The following PUF60 variants were observed in gnomAD, a reference collection of about 807,000 sequenced individuals.
The protein encoded by PUF60 is poly(U) binding splicing factor 60.
PUF60 carries 10 observed loss-of-function variants against 61.8 expected under a neutral mutation model. That is an observed-to-expected ratio of 0.16 (90% CI 0.10 to 0.27). The LOEUF is 0.27. Among genes scored for constraint, PUF60 ranks in the 10% least tolerant of loss-of-function variants. The pLI is 1.00. For missense variants in PUF60, 371 were observed against 754.0 expected, an observed-to-expected ratio of 0.49 and a Z score of 5.95; for synonymous variants, 353 against 300.9, an observed-to-expected ratio of 1.17 and a Z score of -1.79.
At position 143,817,151 on chromosome 8, in the gene PUF60, G is replaced by A. The variant is rs765059667; in HGVS notation, c.1145-6C>T. On this transcript the variant is annotated splice_region_variant and splice_polypyrimidine_tract_variant and intron_variant, in intron 10 of 11. Transcript: ENST00000526683. This position sits in a 1 kb window ranked among gnomAD's most constrained non-coding sequence, Gnocchi z 7.4. ...AGGACGGGCTGGGGTCACACCTGCA[G>A]GAAAACCAACCAGGTCCATCAGTCA... 6 of 1,588,870 alleles carry A rather than the reference G, an allele frequency of 3.8e-6. No homozygotes were observed. In the East Asian group the frequency reaches 9.0e-5, roughly 24 times the overall value.
chr8:143,817,842 C>T lies in PUF60; in HGVS notation c.817+20G>A, dbSNP rs374595843. The T allele has an allele frequency of 7.3e-5, 118 of 1,609,672 alleles. No homozygotes were observed. Among genetic ancestry groups the T allele is most frequent in the Middle Eastern group, 4.9e-4 (3 of 6,076 alleles). On this transcript the variant is annotated intron_variant, in intron 8 of 11. Transcript: ENST00000526683. This position sits in a 1 kb window ranked among gnomAD's most constrained non-coding sequence, Gnocchi z 7.4. ...CCAGCCTCAGGTGGCCCCCATCCCGCCTCAGCCACCCCAGCTCACCAATGA... is the reference window on the plus strand; with the variant it reads ...CCAGCCTCAGGTGGCCCCCATCCCGTCTCAGCCACCCCAGCTCACCAATGA...
chr8:143,820,340 G>A (rs918341066), intron 5 of PUF60: 3 of 395,358 alleles, frequency 7.6e-6, no homozygotes, highest in Non-Finnish European at 1.4e-5. Flanking sequence ...GCTGGAGGCC[G>A]TGGGCACACC....
intron 1 of PUF60, among the ~76,000 whole-genome samples, chr8:143,827,719 T>C (rs1334487742): frequency 1.3e-5 from 2 of 152,110 alleles, no homozygotes; most frequent in African/African-American, 4.8e-5. Flanking sequence ...AAAAAACACG[T>C]ATTAAACCCA....
chr8:143,821,628 G>A lies in PUF60; in HGVS notation c.266C>T (p.Ala89Val), dbSNP rs1239200237. 3 of 1,545,620 alleles carry A rather than the reference G, an allele frequency of 1.9e-6. No individual in the cohort carries two copies. Among genetic ancestry groups the A allele is most frequent in the South Asian group, 1.2e-5 (1 of 83,996 alleles). Residue 89 changes from alanine (A) to valine (V), a missense_variant, in exon 4 of 12, where the codon GCG (alanine) becomes GTG (valine). This residue lies in a region of PUF60 where 35 missense variants were observed against 173.1 expected (regional missense o/e 0.20). Coordinates refer to ENST00000526683, the MANE Select transcript of PUF60 (RefSeq NM_078480.3). The stretch of plus-strand genomic sequence containing the variant: ...GTTGGTGAGCTGCTGCTGCTGGTGC[G>A]CGATGGTCTGCTTCACCAGCACACT... ...IKSVLVKQTI[A>V]HQQQQLTNLQ...
intron 1 of PUF60, among the ~76,000 whole-genome samples, chr8:143,828,727 T>G (rs948602208): frequency 1.3e-5 from 2 of 152,196 alleles, no homozygotes; most frequent in African/African-American, 4.8e-5. Flanking sequence ...GCGCACGTCC[T>G]TCCTTTCCAC....
rs754680277 is a variant in PUF60 at position 143,818,164 on chromosome 8, G to A, written c.603+29C>T. 19 of 1,603,342 alleles carry A rather than the reference G, an allele frequency of 1.2e-5. No homozygotes were observed. The highest frequency in any genetic ancestry group is 1.6e-4 in the Middle Eastern group (1 of 6,074). On this transcript the variant is annotated intron_variant, in intron 7 of 11. Coordinates refer to ENST00000526683, the MANE Select transcript of PUF60 (RefSeq NM_078480.3). This position sits in a 1 kb window ranked among gnomAD's most constrained non-coding sequence, Gnocchi z 7.9. ...TGGAGGGGCAGCCCTGCACGCCTGC[G>A]GGATCGAGGCCTTGGCTCCCTGCCT...
intron 2 of PUF60, chr8:143,823,112 A>C (rs1817211841): frequency 6.1e-6 from 1 of 163,848 alleles, no homozygotes; most frequent in African/African-American, 2.4e-5. Context: ...TGAAGGTCAA[A>C]GGCTGGCTGT....
chr8:143,824,443 C>CA (rs1255717024), intron 1 of PUF60, 44 bp from the exon 2 acceptor site: 1 of 1,589,324 alleles, frequency 6.3e-7, no homozygotes, highest in Non-Finnish European at 8.6e-7. Context: ...CACACCACCC[C>CA]ACCGCCCAGG....
At chr8:143,821,444 A>C (rs1460603326) in intron 4 of PUF60, 153 bp downstream of exon 4, 1 of 723,654 alleles carries the variant, frequency 1.4e-6, no homozygotes, top group Non-Finnish European at 2.3e-6. Context: ...TGCCTCAGAG[A>C]GGACCCCGGG....
intron 1 of PUF60, 87 bp downstream of exon 1, chr8:143,829,193 C>G: frequency 8.1e-7 from 1 of 1,230,098 alleles, no homozygotes; most frequent in Middle Eastern, 2.7e-4. Context: ...CCGCCGCGTT[C>G]TTGGGAGGCC....
chr8:143,816,865 GC>G, intron 11 of PUF60, 44 bp downstream of exon 11: 1 of 1,297,740 alleles, frequency 7.7e-7, no homozygotes. Flanking sequence ...CTGCGGCCCC[GC>G]CCCCCTACCC....
chr8:143,817,806 C>T lies in PUF60; in HGVS notation c.818-24G>A. ...CTCTGTGGGCAGGAGCAGCAGTGAG[C>T]AGGGCCAGCCCCAGCCTCAGGTGGC... On this transcript the variant is annotated intron_variant, in intron 8 of 11. Coordinates refer to ENST00000526683, the MANE Select transcript of PUF60 (RefSeq NM_078480.3). The surrounding 1 kb of genome is among the most constrained non-coding windows in gnomAD (Gnocchi z 7.4). The T allele has an allele frequency of 6.2e-7, 1 of 1,606,608 alleles. No individual in the cohort carries two copies. The highest frequency in any genetic ancestry group is 8.5e-7 in the Non-Finnish European group (1 of 1,176,850).
intron 4 of PUF60, among the ~76,000 whole-genome samples, chr8:143,820,938 AAGGGAGGGAGGAAGGGAGGG>A (rs1816939957): frequency 6.6e-6 from 1 of 151,936 alleles, no homozygotes; most frequent in Non-Finnish European, 1.5e-5. Context: ...GGCAGAAAGG[AAGGGAGGGAGGAAGGGAGGG>A]AGGGAGGAGG....
chr8:143,823,270 C>T (rs1014126358), intron 2 of PUF60: 1 of 153,464 alleles, frequency 6.5e-6, no homozygotes, highest in African/African-American at 2.4e-5. Flanking sequence ...GGCCTGTCCT[C>T]ACCACCCTCA....
chr8:143,822,021 A>G, intron 2 of PUF60, 108 bp from the exon 3 acceptor site: 1 of 795,430 alleles, frequency 1.3e-6, no homozygotes, highest in Non-Finnish European at 2.0e-6. Context: ...GCCTGTACTC[A>G]GGCCAGCCCT....
At chr8:143,823,815 T>G (rs1046408256) in intron 2 of PUF60, among the ~76,000 whole-genome samples, 3 of 152,240 alleles carry the variant, frequency 2.0e-5, no homozygotes, top group African/African-American at 7.2e-5. Flanking sequence ...CTCTGGAGCC[T>G]GGGGCCGAAA....
intron 11 of PUF60, 29 bp from the exon 12 acceptor site, chr8:143,816,848 C>T: frequency 6.2e-7 from 1 of 1,605,578 alleles, no homozygotes; most frequent in Non-Finnish European, 8.5e-7. Context: ...GGGAAGACAG[C>T]TGAGCACTGC....
At position 143,818,581 on chromosome 8, in the gene PUF60, C is replaced by T; in HGVS notation, c.349-47G>A. On this transcript the variant is annotated intron_variant, in intron 5 of 11. Coordinates refer to ENST00000526683, the MANE Select transcript of PUF60 (RefSeq NM_078480.3). The surrounding 1 kb of genome is among the most constrained non-coding windows in gnomAD (Gnocchi z 7.9). The stretch of plus-strand genomic sequence containing the variant: ...AGAACCGCTGGCTCGTCAGGGGCGG[C>T]AGGAAGCTGGGCAGCCCACTCCCCT... 1.3e-6 allele frequency: 2 copies of T among 1,517,938 alleles called. No homozygotes were observed. Among genetic ancestry groups the T allele is most frequent in the Non-Finnish European group, 1.8e-6 (2 of 1,129,922 alleles). The allele number at this position is 1,517,938 out of a possible 1,614,324, so 94.0% of individuals were successfully genotyped here.
intron 2 of PUF60, 42 bp downstream of exon 2, chr8:143,824,271 C>T (rs1247907304): frequency 1.4e-6 from 2 of 1,463,818 alleles, no homozygotes; most frequent in South Asian, 2.7e-5. Context: ...GGCGGGCGGG[C>T]AGGCGGGCGG....
Sources: allele counts gnomAD v4.1 joint callset (sites outside exome capture counted in the v4.1 genomes callset), GRCh38; gene constraint gnomAD v4.1.1; regional missense constraint gnomAD v4.1.1; non-coding constraint Gnocchi (gnomAD v3.1); transcripts MANE v1.5; gene names NCBI Gene and HGNC (gene_info 2026-07-23, HGNC 2026-07-21).